Variants in UBXN4 observed in about 807,000 individuals in gnomAD.
UBXN4 encodes UBX domain protein 4, also known as UBX domain-containing protein 4.
In UBXN4, 35 loss-of-function variants were observed where a neutral mutation model predicts 66.2. The observed-to-expected ratio is 0.53, with a 90% confidence interval of 0.40 to 0.70. The LOEUF (loss-of-function observed/expected upper bound fraction) is 0.70. Among genes scored for constraint, UBXN4 ranks in the 30% least tolerant of loss-of-function variants. The pLI, the probability that UBXN4 is intolerant of heterozygous loss-of-function variation, is 0.00. For missense variants in UBXN4, 533 were observed against 599.8 expected (o/e 0.89, Z 1.16); for synonymous variants, 203 against 204.5 (o/e 0.99, Z 0.06).
At chr2:135,779,841 A>G (rs1295402320) in intron 11 of UBXN4, among the ~76,000 whole-genome samples, 1 of 143,170 alleles carries the variant, frequency 7.0e-6, no homozygotes, top group African/African-American at 2.5e-5. Context: ...ATTATATACA[A>G]TTATTATATA....
chr2:135,774,844 C>CA (rs757689203), intron 9 of UBXN4, among the ~76,000 whole-genome samples: 7,891 of 83,412 alleles, frequency 0.095, 402 homozygotes, highest in African/African-American at 0.22. Flanking sequence ...GACTCTGTCT[C>CA]AAAAAAAAAA....
At chr2:135,773,237 A>G (rs1210302425) in intron 9 of UBXN4, among the ~76,000 whole-genome samples, 6 of 152,212 alleles carry the variant, frequency 3.9e-5, no homozygotes, top group Non-Finnish European at 5.9e-5. Flanking sequence ...GAATTTGGTT[A>G]GGCATAGCTG....
intron 6 of UBXN4, among the ~76,000 whole-genome samples, chr2:135,762,530 T>A (rs6727010): frequency 0.088 from 13,383 of 152,232 alleles, 920 homozygotes; most frequent in South Asian, 0.23. Flanking sequence ...AAAATTTTTT[T>A]AAAAAAACCT....
At chr2:135,779,802 A>G (rs909229817) in intron 11 of UBXN4, among the ~76,000 whole-genome samples, 8 of 148,060 alleles carry the variant, frequency 5.4e-5, no homozygotes, top group Non-Finnish European at 1.2e-4. Flanking sequence ...TAAAATTACA[A>G]TTGTATATAT....
At chr2:135,778,923 T>A in intron 10 of UBXN4, 25 bp from the exon 11 acceptor site, 1 of 1,588,238 alleles carries the variant, frequency 6.3e-7, no homozygotes, top group South Asian at 1.2e-5. Context: ...AGGCACTCTT[T>A]AAGTTTTTAA....
intron 1 of UBXN4, among the ~76,000 whole-genome samples, chr2:135,745,904 A>G (rs1448936018): frequency 4.6e-4 from 4 of 8,618 alleles, no homozygotes; most frequent in Non-Finnish European, 2.0e-3. Context: ...TTTGAGATGG[A>G]GTCTCACTCT....
intron 2 of UBXN4, among the ~76,000 whole-genome samples, chr2:135,750,706 T>C: frequency 6.6e-6 from 1 of 151,804 alleles, no homozygotes; most frequent in East Asian, 1.9e-4. Context: ...TTTTTTTTTA[T>C]TGTTCATCAC....
chr2:135,747,432 A>G (rs894983655), intron 1 of UBXN4, among the ~76,000 whole-genome samples: 2 of 151,866 alleles, frequency 1.3e-5, no homozygotes, highest in Non-Finnish European at 2.9e-5. Context: ...GGTAGCCACT[A>G]TACTGAATTC....
chr2:135,753,398 T>C (rs1330215917), intron 2 of UBXN4, 141 bp from the exon 3 acceptor site: 1 of 540,202 alleles, frequency 1.9e-6, no homozygotes, highest in Non-Finnish European at 3.1e-6. Flanking sequence ...TATATTTTTC[T>C]CCTTCAACCT....
chr2:135,755,701 A>G lies in UBXN4; in HGVS notation c.508+10A>G. ...TCAGATACTGCAACAGGTAACTTTT[A>G]ATGTACCTTTTTGAGTGCAATAGAA... On this transcript the variant is annotated intron_variant, in intron 5 of 12. Transcript: ENST00000272638. 1 of 1,485,652 alleles carries G rather than the reference A, an allele frequency of 6.7e-7. No individual in the cohort carries two copies. Among genetic ancestry groups the G allele is most frequent in the Non-Finnish European group, 9.0e-7 (1 of 1,113,076 alleles). The allele number at this position is 1,485,652 out of a possible 1,614,324, so 92.0% of individuals were successfully genotyped here.
chr2:135,774,655 G>A (rs58301703), intron 9 of UBXN4, among the ~76,000 whole-genome samples: 26,146 of 151,914 alleles, frequency 0.17, 2,581 homozygotes, highest in Middle Eastern at 0.38. Flanking sequence ...AACCAGCCTC[G>A]CCAACGTGGC....
chr2:135,755,155 T>C (rs751654242), intron 4 of UBXN4, among the ~76,000 whole-genome samples: 7 of 152,270 alleles, frequency 4.6e-5, no homozygotes, highest in Non-Finnish European at 8.8e-5. Context: ...TGCTGTCATA[T>C]TAAGGCTCTA....
rs779540295 is a variant in UBXN4, at chr2:135,779,058, C to T, written c.1164C>T (p.Ser388=). Residue 388 remains serine, a synonymous_variant, in exon 11 of 13, where the codon AGC becomes AGT. Coordinates refer to ENST00000272638, the MANE Select transcript of UBXN4 (RefSeq NM_014607.4). The stretch of plus-strand genomic sequence containing the variant: ...TACTGGATTTGGAACTTGCCCCAAG[C>T]GCTTCGGTGGTACTGTTGCCAGTAT... ...KKLLDLELAP[S]ASVVLLPAGR... 1.5e-5 allele frequency: 25 copies of T among 1,612,986 alleles called. No individual in the cohort carries two copies. In the Admixed American group the frequency reaches 2.5e-4, roughly 16 times the overall value.
chr2:135,781,582 T>C (rs1227207557), intron 12 of UBXN4, among the ~76,000 whole-genome samples: 1 of 152,204 alleles, frequency 6.6e-6, no homozygotes, highest in East Asian at 1.9e-4. Flanking sequence ...ATAAGTATTG[T>C]GATTGGGCTG....
chr2:135,782,550 G>A (rs1285548760), intron 12 of UBXN4, among the ~76,000 whole-genome samples, 199 bp from the exon 13 acceptor site: 1 of 152,208 alleles, frequency 6.6e-6, no homozygotes, highest in Non-Finnish European at 1.5e-5. Flanking sequence ...TTAGAGATCA[G>A]ATGAAGCTAA....
At chr2:135,777,099 C>G (rs1300120089) in intron 10 of UBXN4, among the ~76,000 whole-genome samples, 6 of 152,194 alleles carry the variant, frequency 3.9e-5, no homozygotes, top group African/African-American at 1.4e-4. Flanking sequence ...AGGCAGTAAA[C>G]TTTATTTGAC....
chr2:135,764,017 A>G (rs1419939413), intron 6 of UBXN4, among the ~76,000 whole-genome samples: 2 of 152,034 alleles, frequency 1.3e-5, no homozygotes, highest in African/African-American at 4.8e-5. Flanking sequence ...CCAGCTACTC[A>G]GGAGGTTGAG....
At chr2:135,779,905 A>T (rs1249414697) in intron 11 of UBXN4, among the ~76,000 whole-genome samples, 1 of 104,722 alleles carries the variant, frequency 9.5e-6, no homozygotes, top group Non-Finnish European at 1.8e-5. Flanking sequence ...AAAATATAAT[A>T]TATATAATAT....
In UBXN4 at chr2:135,783,335, T is replaced by C. The variant is rs2077461367; in HGVS notation, c.*448T>C. Reference sequence around the variant, plus strand: ...GAGAATTTATGTTTAACTTCTCTTTTTACTCATCAGCTGCAAGCAAAATCT... The same window carrying C: ...GAGAATTTATGTTTAACTTCTCTTTCTACTCATCAGCTGCAAGCAAAATCT... On this transcript the variant is annotated 3_prime_UTR_variant, in exon 13 of 13. Transcript: ENST00000272638. The C allele has an allele frequency of 6.6e-6, 1 of 152,580 alleles. No individual in the cohort carries two copies. The highest frequency in any genetic ancestry group is 2.4e-5 in the African/African-American group (1 of 41,482). The allele number at this position is 152,580 out of a possible 1,614,324, so 9.5% of individuals were successfully genotyped here.
Sources: gnomAD v4.1 joint callset for allele counts (sites outside exome capture counted in the v4.1 genomes callset) on GRCh38, gnomAD v4.1.1 for gene constraint, MANE v1.5 for transcripts, NCBI Gene and HGNC (gene_info 2026-07-23, HGNC 2026-07-21) for gene names.